THSD7A: variants seen among roughly 807,000 people sequenced by gnomAD.
THSD7A encodes the protein thrombospondin type 1 domain containing 7A.
Under a neutral mutation model 231.3 loss-of-function variants are expected in THSD7A, and 96 were observed. The ratio of observed to expected loss-of-function variants is 0.41; its 90% CI spans 0.35 to 0.49. The LOEUF is 0.49. Among genes scored for constraint, THSD7A ranks in the 20% least tolerant of loss-of-function variants. The pLI is 0.05. For missense variants in THSD7A, 2,290 were observed against 2,070.2 expected (o/e 1.11, Z -2.06); for synonymous variants, 940 against 743.3 (o/e 1.26, Z -4.30).
intron 1 of THSD7A, among the ~76,000 whole-genome samples, chr7:11,786,096 C>T (rs1421537854): frequency 6.6e-6 from 1 of 150,566 alleles, no homozygotes; most frequent in Non-Finnish European, 1.5e-5. Flanking sequence ...TATTTTAAAT[C>T]TTCAATTGCT....
At chr7:11,537,982 C>A (rs1447405200) in intron 6 of THSD7A, among the ~76,000 whole-genome samples, 2 of 152,196 alleles carry the variant, frequency 1.3e-5, no homozygotes, top group Non-Finnish European at 2.9e-5. Flanking sequence ...GCACAATACA[C>A]AAGGATGGCC....
At position 11,583,145 on chromosome 7, in the gene THSD7A, T is replaced by G. The variant is rs181495633; in HGVS notation, c.1453+7315A>C. Among the ~76,000 whole-genome samples the G allele has an allele frequency of 1.5e-3, 230 of 152,288 alleles. 1 individual carries two copies. Among genetic ancestry groups the G allele is most frequent in the Non-Finnish European group, 2.4e-3 (162 of 68,018 alleles). On this transcript the variant is annotated intron_variant, in intron 4 of 27. Transcript: ENST00000423059. The stretch of plus-strand genomic sequence containing the variant: ...AAACTACCCATTTATTTATTTCCAG[T>G]GAATGTGTTTTTCAGTTCTAAAACT...
Position 11,590,296 on chromosome 7 carries a change from C to T in THSD7A, c.1453+164G>A, listed in dbSNP as rs745475307. Among the ~76,000 whole-genome samples the T allele has an allele frequency of 7.2e-5, 11 of 152,158 alleles. No homozygotes were observed. Among genetic ancestry groups the T allele is most frequent in the Admixed American group, 1.3e-4 (2 of 15,276 alleles). On this transcript the variant is annotated intron_variant, in intron 4 of 27. Transcript: ENST00000423059. This position sits in a 1 kb window ranked among gnomAD's most constrained non-coding sequence, Gnocchi z 4.4. ...AAGATGGAATTGTGTTAAATATTTT[C>T]ACAACCATAATGTGGATTACTGTTT...
chr7:11,589,795 G>C (rs1780080529), intron 4 of THSD7A, among the ~76,000 whole-genome samples: 2 of 152,092 alleles, frequency 1.3e-5, no homozygotes, highest in African/African-American at 4.8e-5. Flanking sequence ...AAATAATTAT[G>C]ATAATTTTAG....
intron 4 of THSD7A, among the ~76,000 whole-genome samples, chr7:11,581,655 G>A (rs1433613013): frequency 6.6e-6 from 1 of 151,966 alleles, no homozygotes; most frequent in African/African-American, 2.4e-5. Context: ...TTTTACATTT[G>A]TAAAGATCAT....
intron 1 of THSD7A, among the ~76,000 whole-genome samples, chr7:11,823,035 T>A (rs1489823198): frequency 6.6e-6 from 1 of 152,230 alleles, no homozygotes; most frequent in East Asian, 1.9e-4. Context: ...CTCAGACCAA[T>A]GTCCAGAAGA....
chr7:11,707,303 C>A (rs535191076), intron 1 of THSD7A, among the ~76,000 whole-genome samples: 1 of 151,004 alleles, frequency 6.6e-6, no homozygotes, highest in East Asian at 2.0e-4. Context: ...TTCGTCTTTG[C>A]AAGATATTTT....
intron 2 of THSD7A, among the ~76,000 whole-genome samples, chr7:11,596,462 T>A (rs577961442): frequency 6.6e-6 from 1 of 152,160 alleles, no homozygotes; most frequent in South Asian, 2.1e-4. Flanking sequence ...CCAGAATGCA[T>A]AATTGGCATA....
chr7:11,666,905 A>G (rs1323412639), intron 1 of THSD7A, among the ~76,000 whole-genome samples: 1 of 152,076 alleles, frequency 6.6e-6, no homozygotes, highest in Non-Finnish European at 1.5e-5. Context: ...TTCTGATTTA[A>G]TGCAAGCATA....
intron 1 of THSD7A, among the ~76,000 whole-genome samples, chr7:11,818,363 A>G (rs1784773084): frequency 6.6e-6 from 1 of 152,184 alleles, no homozygotes; most frequent in South Asian, 2.1e-4. Flanking sequence ...GTTCTACGTT[A>G]GGCTGTTAAT....
chr7:11,526,938 A>T (rs974953872), intron 6 of THSD7A, among the ~76,000 whole-genome samples: 5 of 152,132 alleles, frequency 3.3e-5, no homozygotes, highest in African/African-American at 1.2e-4. Context: ...TCTCTATTGC[A>T]CTCACCTTAT....
intron 1 of THSD7A, among the ~76,000 whole-genome samples, chr7:11,692,149 G>C (rs1466682304): frequency 6.6e-6 from 1 of 151,400 alleles, no homozygotes; most frequent in Non-Finnish European, 1.5e-5. Flanking sequence ...ACCAAAATCT[G>C]TGAGAGTAAT....
chr7:11,484,726 A>G (rs566465040), intron 6 of THSD7A, among the ~76,000 whole-genome samples: 1 of 152,162 alleles, frequency 6.6e-6, no homozygotes, highest in African/African-American at 2.4e-5. Context: ...GTCTAGACAA[A>G]TAGAGATCTA....
At chr7:11,430,637 C>CAT (rs138122814) in intron 13 of THSD7A, among the ~76,000 whole-genome samples, 8,254 of 151,060 alleles carry the variant, frequency 0.055, 661 homozygotes, top group African/African-American at 0.18. Flanking sequence ...GGCGAATTTT[C>CAT]ATATATATAT....
chr7:11,743,389 T>G (rs543555741), intron 1 of THSD7A, among the ~76,000 whole-genome samples: 1 of 151,980 alleles, frequency 6.6e-6, no homozygotes, highest in African/African-American at 2.4e-5. Flanking sequence ...GACATCAAAT[T>G]TACATGTTTT....
At chr7:11,552,727 T>C (rs767684329) in intron 4 of THSD7A, among the ~76,000 whole-genome samples, 4 of 152,120 alleles carry the variant, frequency 2.6e-5, no homozygotes, top group Non-Finnish European at 4.4e-5. Context: ...CACCTTCCCT[T>C]GTCTTTATGA....
chr7:11,698,770 T>C (rs1780479304), intron 1 of THSD7A, among the ~76,000 whole-genome samples: 1 of 151,384 alleles, frequency 6.6e-6, no homozygotes, highest in South Asian at 2.1e-4. Flanking sequence ...GGGAATTTGC[T>C]GATTTCAGAA....
At position 11,418,575 on chromosome 7, in the gene THSD7A, A is replaced by G. The variant is rs139267739; in HGVS notation, c.3384-972T>C. Among the ~76,000 whole-genome samples, 10 of 152,332 alleles carry G rather than the reference A, an allele frequency of 6.6e-5. No homozygotes were observed. In the East Asian group the frequency reaches 1.7e-3, roughly 26 times the overall value. ...TCTCAAGTCTCTCAAACCTAGTGTCATGTTTTAAAATATCACTTGAATTAT... is the reference window on the plus strand; with the variant it reads ...TCTCAAGTCTCTCAAACCTAGTGTCGTGTTTTAAAATATCACTTGAATTAT... On this transcript the variant is annotated intron_variant, in intron 16 of 27. Coordinates refer to ENST00000423059, the MANE Select transcript of THSD7A (RefSeq NM_015204.3).
At position 11,769,547 on chromosome 7, in the gene THSD7A, T is replaced by C. The variant is rs185621574; in HGVS notation, c.190+62210A>G. Reference sequence around the variant, plus strand: ...AAGCTGTGTCTCAAGAAAGGGTCCTTAGGGAAACACTTTTCTAAGCAAAAT... The same window carrying C: ...AAGCTGTGTCTCAAGAAAGGGTCCTCAGGGAAACACTTTTCTAAGCAAAAT... On this transcript the variant is annotated intron_variant, in intron 1 of 27. Transcript: ENST00000423059. Among the ~76,000 whole-genome samples, 505 of 152,178 alleles carry C rather than the reference T, an allele frequency of 3.3e-3. 2 individuals are homozygous for C. The highest frequency in any genetic ancestry group is 5.9e-3 in the Non-Finnish European group (403 of 68,016).
Sources: gnomAD v4.1 joint callset for allele counts (sites outside exome capture counted in the v4.1 genomes callset) on GRCh38, gnomAD v4.1.1 for gene constraint, Gnocchi (gnomAD v3.1) non-coding constraint, MANE v1.5 for transcripts, NCBI Gene and HGNC (gene_info 2026-07-23, HGNC 2026-07-21) for gene names.